The following VEZF1 variants were observed in gnomAD, a reference collection of about 807,000 sequenced individuals.
The protein encoded by VEZF1 is putative transcription factor DB1.
A neutral mutation model predicts 44.1 loss-of-function variants in VEZF1; 5 were observed. The observed-to-expected ratio is 0.11, with a 90% CI of 0.06 to 0.24. VEZF1 has a LOEUF of 0.24. VEZF1 is among the 10% of genes least tolerant of loss of function. The probability of loss-of-function intolerance (pLI) is 1.00; values close to 1 mark genes in which losing one functional copy is unlikely to be tolerated. For synonymous variants in VEZF1, 236 were observed against 233.1 expected, an observed-to-expected ratio of 1.01 and a Z score of -0.11; for missense variants, 358 against 641.8, an observed-to-expected ratio of 0.56 and a Z score of 4.78.
At position 57,983,103 on chromosome 17, in the gene VEZF1, G is replaced by A. The variant is rs146610067; in HGVS notation, c.324C>T (p.Thr108=). 47 of 1,614,210 alleles carry A rather than the reference G, an allele frequency of 2.9e-5. No homozygotes were observed. In the African/African-American group the frequency reaches 5.9e-4, roughly 20 times the overall value. The change falls in exon 2 of 6, where the codon ACC becomes ACT. Residue 108 remains threonine (T), a synonymous_variant. Coordinates refer to ENST00000581208, the MANE Select transcript of VEZF1 (RefSeq NM_007146.3). The part of the protein sequence containing the change: ...GIKLVSRPKK[T]PTTVVPLIST... ...AGATAAGGGGAACCACCGTGGTGGGGGTTTTCTTTGGCCGGGACACCAACT... is the reference window on the plus strand; with the variant it reads ...AGATAAGGGGAACCACCGTGGTGGGAGTTTTCTTTGGCCGGGACACCAACT...
At position 57,974,631 on chromosome 17, in the gene VEZF1, C is replaced by T. The variant is rs373809722; in HGVS notation, c.1408G>A (p.Val470Ile). Residue 470 changes from valine to isoleucine, a missense_variant, in exon 6 of 6, where the codon GTC becomes ATC. Transcript: ENST00000581208. ...LTTPVNLPTP[V>I]TAPVNIAHPV... ...TGTGCTATATTCACTGGGGCAGTGA[C>T]GGGGGTGGGGAGGTTGACTGGGGTA... is the stretch of plus-strand genomic sequence containing the variant. The T allele has an allele frequency of 1.8e-5, 29 of 1,613,526 alleles. No homozygotes were observed. The highest frequency in any genetic ancestry group is 6.7e-5 in the African/African-American group (5 of 74,692).
chr17:57,987,806 GGTGTGTGTGAGTGT>G (rs1267806957), intron 1 of VEZF1, among the ~76,000 whole-genome samples: 1 of 151,920 alleles, frequency 6.6e-6, no homozygotes, highest in Admixed American at 6.5e-5. Context: ...GAGAGGGAAG[GGTGTGTGTGAGTGT>G]GTGTGTGTGC....
Position 57,971,919 on chromosome 17 carries a change from C to T in VEZF1, c.*2554G>A, listed in dbSNP as rs2075139965. 6.6e-6 allele frequency: 1 copy of T among 152,610 alleles called. No individual in the cohort carries two copies. The highest frequency in any genetic ancestry group is 1.5e-5 in the Non-Finnish European group (1 of 68,028). The allele number at this position is 152,610 out of a possible 1,614,324, so 9.5% of individuals were successfully genotyped here. ...TTGAATCAGTTCATCAACATCGAAA[C>T]TCAATTCCAGTTCCAAGACACAGAA... On this transcript the variant is annotated 3_prime_UTR_variant, in exon 6 of 6. Transcript: ENST00000581208.
Position 57,981,886 on chromosome 17 carries a change from G to C in VEZF1, c.779C>G (p.Pro260Arg). 6.2e-7 allele frequency: 1 copy of C among 1,614,072 alleles called. No homozygotes were observed. Among genetic ancestry groups the C allele is most frequent in the Non-Finnish European group, 8.5e-7 (1 of 1,179,970 alleles). The change falls in exon 3 of 6, where the codon CCC becomes CGC. Residue 260 changes from proline (P) to arginine (R), a missense_variant. This residue lies in a region of VEZF1 where 48 missense variants were observed against 144.9 expected (regional missense o/e 0.33). Coordinates refer to ENST00000581208, the MANE Select transcript of VEZF1 (RefSeq NM_007146.3). ...TTTAACTCTTACTTGGCATTTGAAG[G>C]GTCTTTCTGTTGAATGGACATGTTT... is the stretch of plus-strand genomic sequence containing the variant. Reference protein sequence around the residue: ...HVKHVHSTERPFKCQTCTAAF... With the variant: ...HVKHVHSTERRFKCQTCTAAF...
chr17:57,985,215 AAAC>A (rs1478977160), intron 1 of VEZF1: 3 of 1,204,768 alleles, frequency 2.5e-6, no homozygotes, highest in Non-Finnish European at 3.1e-6. Flanking sequence ...TTTCAACTCT[AAAC>A]AACCATTAGT....
At position 57,974,295 on chromosome 17, in the gene VEZF1, AC is replaced by A. The variant is rs2075166524; in HGVS notation, c.*177del. On this transcript the variant is annotated 3_prime_UTR_variant, in exon 6 of 6. Coordinates refer to ENST00000581208, the MANE Select transcript of VEZF1 (RefSeq NM_007146.3). ...AACTAAAGTGGTCCAGTGATAAGTT[AC>A]ATACACACCCTACTTTGAATAATCC... The A allele has an allele frequency of 2.8e-6, 2 of 714,560 alleles. No individual in the cohort carries two copies. Among genetic ancestry groups the A allele is most frequent in the African/African-American group, 3.6e-5 (2 of 55,800 alleles). The allele number at this position is 714,560 out of a possible 1,614,324, so 44.3% of individuals were successfully genotyped here.
Position 57,988,200 on chromosome 17 carries a change from G to A in VEZF1, c.-89C>T, listed in dbSNP as rs2075321234. ...GAGGCGACAACAAAGCGGCGGCGGCGGCGGCGGCAACGGCAGCGGCGGCTC... is the reference window on the plus strand; with the variant it reads ...GAGGCGACAACAAAGCGGCGGCGGCAGCGGCGGCAACGGCAGCGGCGGCTC... On this transcript the variant is annotated 5_prime_UTR_variant, in exon 1 of 6. Transcript: ENST00000581208. The A allele has an allele frequency of 6.7e-6, 2 of 299,546 alleles. No homozygotes were observed. The highest frequency in any genetic ancestry group is 1.1e-5 in the Non-Finnish European group (2 of 174,050). 18.6% of individuals were successfully genotyped at this position (299,546 alleles called of 1,614,324 possible).
chr17:57,987,680 G>A (rs1311613484), intron 1 of VEZF1, among the ~76,000 whole-genome samples: 1 of 152,098 alleles, frequency 6.6e-6, no homozygotes, highest in African/African-American at 2.4e-5. Context: ...CACCGTGGGG[G>A]ACCGGGCCGG....
rs750614718 is a variant in VEZF1 at position 57,982,983 on chromosome 17, G to C, written c.444C>G (p.Pro148=). ...TAGCTGTGGTGCTGGCACTGCTACT[G>C]GGGTTGGTGCCCGAGGAAGATGTAG... The part of the protein sequence containing the change: ...TVTTSSSGTN[P]SSSASTTAMP... Residue 148 remains proline, a synonymous_variant, in exon 2 of 6, where the codon CCC becomes CCG. Transcript: ENST00000581208. 20 of 1,614,034 alleles carry C rather than the reference G, an allele frequency of 1.2e-5. No homozygotes were observed. Among genetic ancestry groups the C allele is most frequent in the Non-Finnish European group, 1.5e-5 (18 of 1,180,028 alleles).
intron 5 of VEZF1, among the ~76,000 whole-genome samples, chr17:57,975,943 T>C (rs970676724): frequency 2.0e-5 from 3 of 152,036 alleles, no homozygotes; most frequent in Non-Finnish European, 2.9e-5. Context: ...GGACTACAGG[T>C]GCATGCCATC....
In VEZF1 at chr17:57,971,664, A is replaced by G. The variant is rs541457660; in HGVS notation, c.*2809T>C. Reference sequence around the variant, plus strand: ...ATCATCTGCTTACATAGAAACCTTCATTCAGGAGCACACCGTAGGAGGGGA... The same window carrying G: ...ATCATCTGCTTACATAGAAACCTTCGTTCAGGAGCACACCGTAGGAGGGGA... On this transcript the variant is annotated 3_prime_UTR_variant, in exon 6 of 6. Coordinates refer to ENST00000581208, the MANE Select transcript of VEZF1 (RefSeq NM_007146.3). 2.6e-5 allele frequency: 4 copies of G among 152,752 alleles called. No homozygotes were observed. The East Asian group carries it at 7.7e-4, about 29-fold the overall frequency. The allele number at this position is 152,752 out of a possible 1,614,324, so 9.5% of individuals were successfully genotyped here. A position where few individuals can be genotyped will look rare whatever the true frequency, so the allele number is the denominator to read the frequency against.
At chr17:57,984,418 A>G (rs558129821) in intron 1 of VEZF1, among the ~76,000 whole-genome samples, 8 of 152,294 alleles carry the variant, frequency 5.3e-5, no homozygotes, top group African/African-American at 1.4e-4. Context: ...TGATGGAAAA[A>G]ATTCCTGAAA....
chr17:57,981,765 G>A, intron 3 of VEZF1, 108 bp downstream of exon 3: 1 of 991,346 alleles, frequency 1.0e-6, no homozygotes, highest in Non-Finnish European at 1.5e-6. Flanking sequence ...CATTTACTCA[G>A]GTCAGTGATT....
intron 5 of VEZF1, among the ~76,000 whole-genome samples, chr17:57,975,644 TC>T (rs1171477926): frequency 6.6e-6 from 1 of 152,252 alleles, no homozygotes; most frequent in African/African-American, 2.4e-5. Context: ...TCCCATTTCT[TC>T]TTGTTTCTGA....
intron 1 of VEZF1, among the ~76,000 whole-genome samples, chr17:57,984,462 T>C (rs751579318): frequency 3.3e-5 from 5 of 152,234 alleles, no homozygotes; most frequent in African/African-American, 1.2e-4. Context: ...TTTACCAACA[T>C]TATTTTTGAA....
intron 1 of VEZF1, chr17:57,985,113 T>C (rs2075283356): frequency 2.0e-6 from 1 of 492,028 alleles, no homozygotes; most frequent in Non-Finnish European, 3.2e-6. Flanking sequence ...TGAAGATAGC[T>C]GAAGATATAC....
intron 1 of VEZF1, chr17:57,985,134 G>C (rs1221274857): frequency 1.1e-5 from 6 of 569,920 alleles, no homozygotes; most frequent in Non-Finnish European, 1.6e-5. Context: ...AATTTCAAAG[G>C]CTAACAGATC....
chr17:57,980,712 A>G lies in VEZF1; in HGVS notation c.867T>C (p.Cys289=). The change falls in exon 4 of 6, where the codon TGT becomes TGC. Residue 289 remains cysteine, a synonymous_variant. Coordinates refer to ENST00000581208, the MANE Select transcript of VEZF1 (RefSeq NM_007146.3). ...CACTCAGGAGCTTCCCACAGATGTT[A>G]CATGATACCTTGCCTTCATGGCGCA... is the stretch of plus-strand genomic sequence containing the variant. ...HMVRHEGKVS[C]NICGKLLSAA... is the part of the protein sequence containing the mutation. 6.2e-7 allele frequency: 1 copy of G among 1,614,232 alleles called. No homozygotes were observed. Among genetic ancestry groups the G allele is most frequent in the Non-Finnish European group, 8.5e-7 (1 of 1,180,052 alleles).
chr17:57,978,160 G>A (rs920703371), intron 5 of VEZF1, among the ~76,000 whole-genome samples: 2 of 151,342 alleles, frequency 1.3e-5, no homozygotes, highest in African/African-American at 2.4e-5. Context: ...CCGAGATCAC[G>A]CCACTGCACT....
Sources: gnomAD v4.1 joint callset for allele counts (sites outside exome capture counted in the v4.1 genomes callset) on GRCh38, gnomAD v4.1.1 for gene constraint, gnomAD v4.1.1 regional missense constraint, MANE v1.5 for transcripts, NCBI Gene and HGNC (gene_info 2026-07-23, HGNC 2026-07-21) for gene names.